OSBPL1A: variants seen among roughly 807,000 people sequenced by gnomAD.
The protein encoded by OSBPL1A is oxysterol-binding protein-related protein 1.
Under a neutral mutation model 137.1 loss-of-function variants are expected in OSBPL1A, and 80 were observed. The ratio of observed to expected loss-of-function variants is 0.58; its 90% CI spans 0.49 to 0.70. OSBPL1A has a LOEUF of 0.70. Ranked by LOEUF, OSBPL1A falls within the 30% of genes least tolerant of loss-of-function variation. The pLI, the probability that OSBPL1A is intolerant of heterozygous loss-of-function variation, is 0.00. For missense variants in OSBPL1A, 970 were observed against 1,129.4 expected, an observed-to-expected ratio of 0.86 and a Z score of 2.02; for synonymous variants, 365 against 389.7, an observed-to-expected ratio of 0.94 and a Z score of 0.75.
intron 7 of OSBPL1A, among the ~76,000 whole-genome samples, chr18:24,321,452 A>T (rs2090855355): frequency 6.6e-6 from 1 of 152,108 alleles, no homozygotes; most frequent in Non-Finnish European, 1.5e-5. Flanking sequence ...ATGTGTCATC[A>T]CACCTGGCTA....
At chr18:24,195,884 C>CA in intron 18 of OSBPL1A, 1 of 461,364 alleles carries the variant, frequency 2.2e-6, no homozygotes, top group East Asian at 4.3e-5. Context: ...TCAACAGAAA[C>CA]ACGGCATTTT....
At chr18:24,249,783 G>C (rs1040048662) in intron 15 of OSBPL1A, among the ~76,000 whole-genome samples, 1 of 152,128 alleles carries the variant, frequency 6.6e-6, no homozygotes, top group Non-Finnish European at 1.5e-5. Flanking sequence ...CGTCACCCGC[G>C]GCCAAAGTCC....
intron 15 of OSBPL1A, among the ~76,000 whole-genome samples, chr18:24,262,347 C>T (rs2089462874): frequency 6.6e-6 from 1 of 152,082 alleles, no homozygotes; most frequent in Non-Finnish European, 1.5e-5. Context: ...CTTACATAAT[C>T]ACTAGCCACA....
chr18:24,164,988 T>A, intron 27 of OSBPL1A, 77 bp downstream of exon 27: 2 of 1,429,884 alleles, frequency 1.4e-6, no homozygotes, highest in African/African-American at 2.8e-5. Context: ...GGGGTCACAG[T>A]GTCTGGCATC....
chr18:24,282,449 G>A (rs1445209100), intron 14 of OSBPL1A, among the ~76,000 whole-genome samples: 1 of 152,114 alleles, frequency 6.6e-6, no homozygotes, highest in Non-Finnish European at 1.5e-5. Flanking sequence ...TGAAGGTCCA[G>A]TACCATTGAG....
At chr18:24,355,333 C>A (rs189619845) in intron 4 of OSBPL1A, among the ~76,000 whole-genome samples, 1 of 151,242 alleles carries the variant, frequency 6.6e-6, no homozygotes, top group African/African-American at 2.4e-5. Flanking sequence ...GAAACCCCGT[C>A]TCTACTAAAA....
At chr18:24,173,628 G>T (rs1327008729) in intron 21 of OSBPL1A, among the ~76,000 whole-genome samples, 1 of 152,210 alleles carries the variant, frequency 6.6e-6, no homozygotes, top group Non-Finnish European at 1.5e-5. Flanking sequence ...GGCCAGGCTG[G>T]TCTCGAACTC....
At chr18:24,303,806 T>TAC (rs1411286667) in intron 13 of OSBPL1A, 88 bp from the exon 14 acceptor site, 1 of 1,082,188 alleles carries the variant, frequency 9.2e-7, no homozygotes, top group African/African-American at 1.6e-5. Context: ...AAACTTTCAG[T>TAC]ACATAGATTG....
At chr18:24,230,888 T>C (rs143482554) in intron 16 of OSBPL1A, among the ~76,000 whole-genome samples, 10 of 152,272 alleles carry the variant, frequency 6.6e-5, no homozygotes, top group Non-Finnish European at 1.0e-4. Flanking sequence ...AAGCACTTAT[T>C]TGTGGGTGTG....
At chr18:24,195,854 G>A in intron 18 of OSBPL1A, 1 of 406,940 alleles carries the variant, frequency 2.5e-6, no homozygotes, top group Non-Finnish European at 4.5e-6. Flanking sequence ...AAGTCTATGG[G>A]GCAATATAAA....
chr18:24,244,165 G>C (rs888671630), intron 15 of OSBPL1A, among the ~76,000 whole-genome samples: 4 of 152,178 alleles, frequency 2.6e-5, no homozygotes, highest in Non-Finnish European at 5.9e-5. Flanking sequence ...AAACTATGGT[G>C]TAACAGAAAC....
Position 24,239,176 on chromosome 18 carries a change from A to G in OSBPL1A, c.1444+44T>C, listed in dbSNP as rs1445019746. The G allele has an allele frequency of 3.1e-6, 5 of 1,596,716 alleles. No homozygotes were observed. In the South Asian group the frequency reaches 5.6e-5, roughly 18 times the overall value. On this transcript the variant is annotated intron_variant, in intron 16 of 27. Coordinates refer to ENST00000319481, the MANE Select transcript of OSBPL1A (RefSeq NM_080597.4). ...GGGACATTGCTCATTTAGGTGGTGG[A>G]CTCTAAATCACCAACAATGCAGAGG...
At chr18:24,167,167 C>T (rs1014995821) in intron 25 of OSBPL1A, among the ~76,000 whole-genome samples, 162 bp downstream of exon 25, 8 of 152,154 alleles carry the variant, frequency 5.3e-5, no homozygotes, top group Admixed American at 2.0e-4. Context: ...ACTTACGACG[C>T]GCTGAGCTCA....
At chr18:24,397,357 C>G (rs1907827244) in intron 1 of OSBPL1A, among the ~76,000 whole-genome samples, 1 of 152,252 alleles carries the variant, frequency 6.6e-6, no homozygotes, top group Non-Finnish European at 1.5e-5. Context: ...GTAGGGGATG[C>G]ATGCGGCACC....
chr18:24,389,858 C>G (rs2144279879), intron 1 of OSBPL1A, among the ~76,000 whole-genome samples: 1 of 152,218 alleles, frequency 6.6e-6, no homozygotes, highest in Middle Eastern at 3.4e-3. Flanking sequence ...ACAAGAATCA[C>G]TTGAACCCAG....
At chr18:24,215,425 A>G (rs1283965581) in intron 17 of OSBPL1A, among the ~76,000 whole-genome samples, 2 of 152,226 alleles carry the variant, frequency 1.3e-5, no homozygotes, top group South Asian at 2.1e-4. Flanking sequence ...TATAAACCAA[A>G]TTTTTCTGAG....
At chr18:24,269,865 C>CACACACACACACACAT (rs2089674629) in intron 15 of OSBPL1A, among the ~76,000 whole-genome samples, 1 of 151,688 alleles carries the variant, frequency 6.6e-6, no homozygotes, top group South Asian at 2.1e-4. Flanking sequence ...CACACACACA[C>CACACACACACACACAT]ACACACACAC....
chr18:24,247,418 T>G (rs575138401), intron 15 of OSBPL1A, among the ~76,000 whole-genome samples: 1 of 152,246 alleles, frequency 6.6e-6, no homozygotes, highest in South Asian at 2.1e-4. Context: ...TCAAGAGAGA[T>G]AAGAGAGAGT....
intron 13 of OSBPL1A, among the ~76,000 whole-genome samples, chr18:24,306,889 G>A (rs1302031322): frequency 7.2e-5 from 11 of 151,996 alleles, no homozygotes; most frequent in South Asian, 2.1e-4. Context: ...GAAAATGGCC[G>A]CTATTACAAG....
Sources: allele counts gnomAD v4.1 joint callset (sites outside exome capture counted in the v4.1 genomes callset), GRCh38; gene constraint gnomAD v4.1.1; transcripts MANE v1.5; gene names NCBI Gene and HGNC (gene_info 2026-07-23, HGNC 2026-07-21).